The following MGAT4C variants were observed in gnomAD, a reference collection of about 807,000 sequenced individuals.
MGAT4C encodes alpha-1,3-mannosyl-glycoprotein 4-beta-N-acetylglucosaminyltransferase C.
A neutral mutation model predicts 40.1 loss-of-function variants in MGAT4C; 19 were observed. The ratio of observed to expected loss-of-function variants is 0.47; its 90% CI spans 0.33 to 0.70. MGAT4C has a LOEUF of 0.70. Ranked by LOEUF, MGAT4C falls within the 30% of genes least tolerant of loss-of-function variation. MGAT4C has a pLI of 0.02. For synonymous variants in MGAT4C, 181 were observed against 187.1 expected, an observed-to-expected ratio of 0.97 and a Z score of 0.27; for missense variants, 491 against 563.2, an observed-to-expected ratio of 0.87 and a Z score of 1.30.
chr12:86,722,276 G>A (rs974479514), intron 2 of MGAT4C, among the ~76,000 whole-genome samples: 1 of 152,074 alleles, frequency 6.6e-6, no homozygotes. Context: ...AGAAGACTCT[G>A]AGCATGCATC....
intron 2 of MGAT4C, among the ~76,000 whole-genome samples, chr12:86,549,779 G>A (rs1959255797): frequency 6.6e-6 from 1 of 152,164 alleles, no homozygotes; most frequent in Non-Finnish European, 1.5e-5. Flanking sequence ...CAATGGGAAA[G>A]TGGAAACGCA....
chr12:86,203,931 T>A (rs1019069725), intron 1 of MGAT4C, among the ~76,000 whole-genome samples: 1 of 137,642 alleles, frequency 7.3e-6, no homozygotes. Flanking sequence ...CACTCCAGCC[T>A]GGGCAACGAG....
intron 2 of MGAT4C, among the ~76,000 whole-genome samples, chr12:86,538,413 T>A (rs1363252878): frequency 1.3e-5 from 2 of 152,310 alleles, no homozygotes; most frequent in African/African-American, 4.8e-5. Context: ...CCAGAGGATC[T>A]CATGATGGAG....
intron 1 of MGAT4C, among the ~76,000 whole-genome samples, chr12:86,085,439 A>G (rs1176838391): frequency 6.6e-6 from 1 of 152,164 alleles, no homozygotes; most frequent in Non-Finnish European, 1.5e-5. Flanking sequence ...CAGTTTTCCC[A>G]ACACCATTTA....
At chr12:86,405,270 G>A (rs150450639) in intron 3 of MGAT4C, among the ~76,000 whole-genome samples, 1 of 152,056 alleles carries the variant, frequency 6.6e-6, no homozygotes, top group African/African-American at 2.4e-5. Context: ...TCTAAAAAAT[G>A]TTCCTAGAAC....
chr12:86,297,454 T>G (rs1953709126), intron 4 of MGAT4C, among the ~76,000 whole-genome samples: 1 of 152,218 alleles, frequency 6.6e-6, no homozygotes, highest in African/African-American at 2.4e-5. Context: ...CCTTACATAT[T>G]ATTTTATTTA....
At chr12:86,020,057 G>A (rs545646259) in intron 2 of MGAT4C, among the ~76,000 whole-genome samples, 2 of 152,212 alleles carry the variant, frequency 1.3e-5, no homozygotes, top group South Asian at 2.1e-4. Context: ...CTGAGACTTC[G>A]CTGAAGTTGC....
At chr12:86,114,221 G>C (rs1210515328) in intron 1 of MGAT4C, among the ~76,000 whole-genome samples, 1 of 151,640 alleles carries the variant, frequency 6.6e-6, no homozygotes, top group Non-Finnish European at 1.5e-5. Context: ...TTCTGCTCTG[G>C]CTTCTTCTTT....
At chr12:86,156,769 T>C (rs1884989345) in intron 1 of MGAT4C, among the ~76,000 whole-genome samples, 1 of 152,198 alleles carries the variant, frequency 6.6e-6, no homozygotes, top group Admixed American at 6.5e-5. Flanking sequence ...CTGAGTAAAT[T>C]ATGGCTCAGA....
intron 4 of MGAT4C, among the ~76,000 whole-genome samples, chr12:86,316,059 A>G (rs544438854): frequency 1.4e-3 from 187 of 134,022 alleles, no homozygotes; most frequent in African/African-American, 5.3e-3. Context: ...GAAATTTTTC[A>G]AAAGAATAAA....
chr12:86,755,204 T>C (rs1951282443), intron 1 of MGAT4C, among the ~76,000 whole-genome samples: 1 of 152,132 alleles, frequency 6.6e-6, no homozygotes, highest in Non-Finnish European at 1.5e-5. Flanking sequence ...TCTAGACAAA[T>C]AATTTTGCCT....
At chr12:86,571,329 T>C (rs1960353698) in intron 2 of MGAT4C, among the ~76,000 whole-genome samples, 1 of 152,126 alleles carries the variant, frequency 6.6e-6, no homozygotes, top group African/African-American at 2.4e-5. Flanking sequence ...ATAAGATAAT[T>C]TCAAAGATGA....
Position 86,182,585 on chromosome 12 carries a change from TTC to T in MGAT4C, c.-57+73652_-57+73653del, listed in dbSNP as rs141153024. Among the ~76,000 whole-genome samples the T allele has an allele frequency of 3.1e-3, 471 of 152,186 alleles. 3 individuals carry two copies. The highest frequency in any genetic ancestry group is 0.011 in the African/African-American group (447 of 41,574). Reference sequence around the variant, plus strand: ...TCTTCCTCCCTTCCTTTCTTCTTTCTTCTCTCTCTTTATTCATTTTCTTCCTA... The same window carrying T: ...TCTTCCTCCCTTCCTTTCTTCTTTCTTCTCTCTTTATTCATTTTCTTCCTA... On this transcript the variant is annotated intron_variant, in intron 1 of 4. Transcript: ENST00000611864.
At chr12:86,570,589 G>A (rs986989014) in intron 2 of MGAT4C, among the ~76,000 whole-genome samples, 2 of 152,046 alleles carry the variant, frequency 1.3e-5, no homozygotes, top group Non-Finnish European at 2.9e-5. Flanking sequence ...TCAAGGAGGT[G>A]AAAAAGTGGC....
At chr12:86,490,298 C>T (rs1203754695) in intron 2 of MGAT4C, among the ~76,000 whole-genome samples, 1 of 152,014 alleles carries the variant, frequency 6.6e-6, no homozygotes, top group Admixed American at 6.6e-5. Context: ...AATTTTCAAC[C>T]CAGAATTTCA....
intron 2 of MGAT4C, among the ~76,000 whole-genome samples, chr12:86,623,750 C>T (rs896965635): frequency 2.0e-5 from 3 of 152,234 alleles, no homozygotes; most frequent in Non-Finnish European, 2.9e-5. Context: ...TAAAAGTTAA[C>T]ACCAGTCTGA....
chr12:86,721,749 T>C (rs1354981741), intron 2 of MGAT4C, among the ~76,000 whole-genome samples: 1 of 152,166 alleles, frequency 6.6e-6, no homozygotes, highest in East Asian at 1.9e-4. Context: ...AGGCTTTATA[T>C]AACGTAAGAT....
intron 2 of MGAT4C, among the ~76,000 whole-genome samples, chr12:86,552,525 T>C (rs1959416475): frequency 6.6e-6 from 1 of 152,128 alleles, no homozygotes; most frequent in African/African-American, 2.4e-5. Context: ...GGGAATATAT[T>C]AAATTTTCTG....
chr12:86,803,137 C>A (rs1038910909), intron 1 of MGAT4C, among the ~76,000 whole-genome samples: 1 of 148,672 alleles, frequency 6.7e-6, no homozygotes, highest in Non-Finnish European at 1.5e-5. Context: ...TGATCTTTGA[C>A]AAACCTGAGA....
Sources: gnomAD v4.1 joint callset for allele counts (sites outside exome capture counted in the v4.1 genomes callset) on GRCh38, gnomAD v4.1.1 for gene constraint, MANE v1.5 for transcripts, NCBI Gene and HGNC (gene_info 2026-07-23, HGNC 2026-07-21) for gene names.